Variants in FSIP2 observed in about 807,000 individuals in gnomAD.
The protein encoded by FSIP2 is fibrous sheath-interacting protein 2.
Under a neutral mutation model 510.5 loss-of-function variants are expected in FSIP2, and 367 were observed. That is an observed-to-expected ratio of 0.72 (90% CI 0.66 to 0.78). The LOEUF (loss-of-function observed/expected upper bound fraction) is 0.78, where lower values mean the gene tolerates loss of function less well. Ranked by LOEUF, FSIP2 falls within the 30% of genes least tolerant of loss-of-function variation. FSIP2 has a pLI of 0.00. For synonymous variants in FSIP2, 2,601 were observed against 2,732.2 expected (o/e 0.95, Z 1.50); for missense variants, 7,594 against 7,901.7 (o/e 0.96, Z 1.48).
In FSIP2 at chr2:185,792,038, A is replaced by T. The variant is rs1398664132; in HGVS notation, c.4902A>T (p.Ser1634=). The T allele has an allele frequency of 6.5e-7, 1 of 1,533,978 alleles. No homozygotes were observed. The highest frequency in any genetic ancestry group is 8.7e-7 in the Non-Finnish European group (1 of 1,145,332). The change falls in exon 16 of 23, where the codon TCA becomes TCT. Residue 1634 remains serine (S), a synonymous_variant. Transcript: ENST00000424728. ...TNISRDTHEA[S]FLSALYMHAK... is the part of the protein sequence containing the mutation. Reference sequence around the variant, plus strand: ...TTTCCAGAGACACACATGAAGCATCATTTCTGTCTGCTTTATATATGCATG... The same window carrying T: ...TTTCCAGAGACACACATGAAGCATCTTTTCTGTCTGCTTTATATATGCATG...
At chr2:185,757,498 CT>C (rs1223466024) in intron 9 of FSIP2, among the ~76,000 whole-genome samples, 1 of 151,278 alleles carries the variant, frequency 6.6e-6, no homozygotes, top group African/African-American at 2.4e-5. Context: ...TCATTGTAGG[CT>C]TTTTGTGAAT....
chr2:185,811,503 C>T (rs1171438049), intron 17 of FSIP2, among the ~76,000 whole-genome samples: 1 of 146,334 alleles, frequency 6.8e-6, no homozygotes, highest in African/African-American at 2.5e-5. Flanking sequence ...GGCCATGTGG[C>T]AAAGAAAAAA....
chr2:185,807,456 G>A lies in FSIP2; in HGVS notation c.18150G>A (p.Lys6050=). 2 of 1,612,580 alleles carry A rather than the reference G, an allele frequency of 1.2e-6. No individual in the cohort carries two copies. Among genetic ancestry groups the A allele is most frequent in the Non-Finnish European group, 1.7e-6 (2 of 1,179,288 alleles). ...CAGAACTGAATTTCCTTCAAATGAA[G>A]TTAGTAAGTGCAGTTGCAACAGAGA... ...LSTELNFLQM[K]LVSAVATEIS... The change falls in exon 17 of 23, where the codon AAG becomes AAA. Residue 6050 remains lysine (K), a synonymous_variant. Transcript: ENST00000424728.
chr2:185,822,605 G>A lies in FSIP2; in HGVS notation c.20427-1829G>A, dbSNP rs530282167. On this transcript the variant is annotated intron_variant, in intron 19 of 22. Coordinates refer to ENST00000424728, the MANE Select transcript of FSIP2 (RefSeq NM_173651.4). ...GACACCTCATGTTTATAGATTGGAA[G>A]ACTTAATATTATTAAAATGTTAATT... Among the ~76,000 whole-genome samples the A allele has an allele frequency of 2.6e-5, 4 of 151,872 alleles. No individual in the cohort carries two copies. In the East Asian group the frequency reaches 5.8e-4, roughly 22 times the overall value.
rs1332024065 is a variant in FSIP2 at position 185,801,476 on chromosome 2, A to C, written c.12170A>C (p.Gln4057Pro). 6.5e-7 allele frequency: 1 copy of C among 1,533,806 alleles called. No individual in the cohort carries two copies. The highest frequency in any genetic ancestry group is 8.7e-7 in the Non-Finnish European group (1 of 1,145,490). ...TCAGTTTATTATGATGTTTTACAGC[A>C]GTATGAATTAAAAGTGGCCTGTGGT... The part of the protein sequence containing the change: ...VDSVYYDVLQ[Q>P]YELKVACGNN... Residue 4057 changes from glutamine to proline, a missense_variant, in exon 17 of 23, where the codon CAG becomes CCG. By Grantham distance (76) the Gln-to-Pro change is moderately conservative. Transcript: ENST00000424728.
In FSIP2 at chr2:185,833,122, T is replaced by A; in HGVS notation, c.20620T>A (p.Ser6874Thr). ...TPKPDVSKQGSKMLTKMSSTL... is the reference protein window; with the variant it reads ...TPKPDVSKQGTKMLTKMSSTL... ...CAAGCCCGATGTCTCCAAACAAGGA[T>A]CTAAAATGCTGACAAAAATGTCTTC... Residue 6874 changes from serine to threonine, a missense_variant, in exon 23 of 23, where the codon TCT (serine) becomes ACT (threonine). Ser to Thr is a moderately conservative substitution (Grantham distance 58). Coordinates refer to ENST00000424728, the MANE Select transcript of FSIP2 (RefSeq NM_173651.4). 6.2e-7 allele frequency: 1 copy of A among 1,610,702 alleles called. No individual in the cohort carries two copies. The highest frequency in any genetic ancestry group is 8.5e-7 in the Non-Finnish European group (1 of 1,177,890).
chr2:185,762,088 A>T, intron 11 of FSIP2, 71 bp downstream of exon 11: 1 of 732,814 alleles, frequency 1.4e-6, no homozygotes, highest in Non-Finnish European at 2.2e-6. Flanking sequence ...TATATATTTT[A>T]AGTTGTTTTA....
chr2:185,762,056 A>T, intron 11 of FSIP2, 39 bp downstream of exon 11: 1 of 924,108 alleles, frequency 1.1e-6, no homozygotes, highest in East Asian at 2.6e-5. Flanking sequence ...TTCTGTTATT[A>T]GGCATGCAAT....
chr2:185,739,288 TAA>T (rs1559006584), intron 1 of FSIP2, 56 bp from the exon 2 acceptor site: 2 of 1,463,238 alleles, frequency 1.4e-6, no homozygotes, highest in African/African-American at 2.9e-5. Flanking sequence ...TAGATTGGTC[TAA>T]ACTAAACTAA....
At chr2:185,741,258 T>C (rs1158660798) in intron 2 of FSIP2, among the ~76,000 whole-genome samples, 1 of 140,862 alleles carries the variant, frequency 7.1e-6, no homozygotes, top group African/African-American at 2.7e-5. Flanking sequence ...ATTACATTAA[T>C]TCTCCCAAAA....
Position 185,791,146 on chromosome 2 carries a change from C to T in FSIP2, c.4010C>T (p.Thr1337Ile), listed in dbSNP as rs1693113081. 6.5e-7 allele frequency: 1 copy of T among 1,532,908 alleles called. No homozygotes were observed. Among genetic ancestry groups the T allele is most frequent in the East Asian group, 2.4e-5 (1 of 40,834 alleles). 95.0% of individuals were successfully genotyped at this position (1,532,908 alleles called of 1,614,324 possible). ...SLTDKGFFAN[T>I]DKKLESLVTS... ...ACAGATAAAGGATTTTTTGCTAATACTGATAAAAAATTAGAATCTCTTGTC... is the reference window on the plus strand; with the variant it reads ...ACAGATAAAGGATTTTTTGCTAATATTGATAAAAAATTAGAATCTCTTGTC... The change falls in exon 16 of 23, where the codon ACT becomes ATT. Residue 1337 changes from threonine (T) to isoleucine (I), a missense_variant. Transcript: ENST00000424728.
In FSIP2 at chr2:185,786,330, A is replaced by C. The variant is rs1692977307; in HGVS notation, c.1506+42A>C. The stretch of plus-strand genomic sequence containing the variant: ...CCACCGAGAAAGCAACATATTAGTC[A>C]TACTTTCTGATGCATCATAATAGAA... On this transcript the variant is annotated intron_variant, in intron 15 of 22. Coordinates refer to ENST00000424728, the MANE Select transcript of FSIP2 (RefSeq NM_173651.4). 4.8e-6 allele frequency: 6 copies of C among 1,245,054 alleles called. No homozygotes were observed. The East Asian group carries it at 1.5e-4, about 32-fold the overall frequency. The allele number at this position is 1,245,054 out of a possible 1,614,324, so 77.1% of individuals were successfully genotyped here.
intron 8 of FSIP2, among the ~76,000 whole-genome samples, chr2:185,754,953 G>A (rs892721666): frequency 1.3e-5 from 2 of 151,398 alleles, no homozygotes; most frequent in African/African-American, 4.8e-5. Flanking sequence ...AATTTATTTT[G>A]TTGTTTAGTT....
At chr2:185,751,979 TGTA>T (rs143108647) in intron 7 of FSIP2, among the ~76,000 whole-genome samples, 81,740 of 150,466 alleles carry the variant, frequency 0.54, 22,414 homozygotes, top group South Asian at 0.64. Flanking sequence ...TTTATCCTGA[TGTA>T]AATAAGTCAT....
chr2:185,805,411 C>CA lies in FSIP2; in HGVS notation c.16110dup (p.Gly5371ArgfsTer2). Reference sequence around the variant, plus strand: ...AGAAAAATGCACATCTCATGATATTCAAAAAGGTGATGAAAGTAACATTGC... The same window carrying CA: ...AGAAAAATGCACATCTCATGATATTCAAAAAAGGTGATGAAAGTAACATTGC... On this transcript the variant is annotated frameshift_variant, in exon 17 of 23. Transcript: ENST00000424728. LOFTEE classifies it high-confidence loss of function. 6.2e-7 allele frequency: 1 copy of CA among 1,602,132 alleles called. No homozygotes were observed. The highest frequency in any genetic ancestry group is 8.5e-7 in the Non-Finnish European group (1 of 1,175,302).
In FSIP2 at chr2:185,745,572, A is replaced by T. The variant is rs1479270734; in HGVS notation, c.617+4A>T. ...AGGAGCGGCTGATGAGGCATAGGTAAGATTAAAGTTGAGGCATATTTTATG... is the reference window on the plus strand; with the variant it reads ...AGGAGCGGCTGATGAGGCATAGGTATGATTAAAGTTGAGGCATATTTTATG... On this transcript the variant is annotated splice_donor_region_variant and intron_variant, in intron 5 of 22. Coordinates refer to ENST00000424728, the MANE Select transcript of FSIP2 (RefSeq NM_173651.4). The T allele has an allele frequency of 6.5e-7, 1 of 1,527,644 alleles. No individual in the cohort carries two copies. The highest frequency in any genetic ancestry group is 2.5e-5 in the East Asian group (1 of 40,576). The allele number at this position is 1,527,644 out of a possible 1,614,324, so 94.6% of individuals were successfully genotyped here. A position where few individuals can be genotyped will look rare whatever the true frequency, so the allele number is the denominator to read the frequency against.
At position 185,795,295 on chromosome 2, in the gene FSIP2, G is replaced by C; in HGVS notation, c.8159G>C (p.Gly2720Ala). 2 of 1,535,042 alleles carry C rather than the reference G, an allele frequency of 1.3e-6. No homozygotes were observed. Among genetic ancestry groups the C allele is most frequent in the South Asian group, 1.2e-5 (1 of 84,040 alleles). ...AIGLSHIMSAGDAKNLLDTKL... is the reference protein window; with the variant it reads ...AIGLSHIMSAADAKNLLDTKL... ...GGGTTGTCACACATCATGTCAGCTG[G>C]AGATGCCAAAAATTTACTGGACACA... Residue 2720 changes from glycine (G) to alanine (A), a missense_variant, in exon 16 of 23, where the codon GGA becomes GCA. Coordinates refer to ENST00000424728, the MANE Select transcript of FSIP2 (RefSeq NM_173651.4).
rs565240889 is a variant in FSIP2 at position 185,798,032 on chromosome 2, T to C, written c.10390+506T>C. Among the ~76,000 whole-genome samples, 26 of 151,942 alleles carry C rather than the reference T, an allele frequency of 1.7e-4. No individual in the cohort carries two copies. The South Asian group carries it at 5.2e-3, about 30-fold the overall frequency. On this transcript the variant is annotated intron_variant, in intron 16 of 22. Coordinates refer to ENST00000424728, the MANE Select transcript of FSIP2 (RefSeq NM_173651.4). The stretch of plus-strand genomic sequence containing the variant: ...TCATCACAATGCAAAAAAATAAAAA[T>C]AAATAAATGTTTTCAGGATTTGAAT...
Position 185,789,502 on chromosome 2 carries a change from G to T in FSIP2, c.2366G>T (p.Ser789Ile). The change falls in exon 16 of 23, where the codon AGT (serine) becomes ATT (isoleucine). Residue 789 changes from serine (S) to isoleucine (I), a missense_variant. By Grantham distance (142) the Ser-to-Ile change is moderately radical. Coordinates refer to ENST00000424728, the MANE Select transcript of FSIP2 (RefSeq NM_173651.4). Reference sequence around the variant, plus strand: ...GATTTGTCAGTCGACATTAAACCAAGTTTAGCAGCCAGTGATGAACTTCTC... The same window carrying T: ...GATTTGTCAGTCGACATTAAACCAATTTTAGCAGCCAGTGATGAACTTCTC... ...SQDLSVDIKP[S>I]LAASDELLTS... 3 of 1,534,628 alleles carry T rather than the reference G, an allele frequency of 2.0e-6. No individual in the cohort carries two copies. The highest frequency in any genetic ancestry group is 1.7e-4 in the Middle Eastern group (1 of 5,984).
Sources: gnomAD v4.1 joint callset for allele counts (sites outside exome capture counted in the v4.1 genomes callset) on GRCh38, gnomAD v4.1.1 for gene constraint, MANE v1.5 for transcripts, NCBI Gene and HGNC (gene_info 2026-07-23, HGNC 2026-07-21) for gene names.